The following DCAF17 variants were observed in gnomAD, a reference collection of about 807,000 sequenced individuals.
DCAF17 encodes DDB1- and CUL4-associated factor 17.
In DCAF17, 48 loss-of-function variants were observed where a neutral mutation model predicts 66.0. The observed-to-expected ratio is 0.73, with a 90% CI of 0.58 to 0.92. DCAF17 has a LOEUF of 0.92. DCAF17 is among the 40% of genes least tolerant of loss of function. The probability of loss-of-function intolerance (pLI) is 0.00; values close to 1 mark genes in which losing one functional copy is unlikely to be tolerated. For synonymous variants in DCAF17, 206 were observed against 214.6 expected, an observed-to-expected ratio of 0.96 and a Z score of 0.35; for missense variants, 562 against 622.8, an observed-to-expected ratio of 0.90 and a Z score of 1.04.
At chr2:171,459,312 C>CA (rs1160280707) in intron 8 of DCAF17, among the ~76,000 whole-genome samples, 14 of 149,270 alleles carry the variant, frequency 9.4e-5, no homozygotes, top group East Asian at 1.9e-4. Context: ...AACTCCATCT[C>CA]AAAAAAAAAG....
At chr2:171,458,245 A>T in intron 7 of DCAF17, 127 bp from the exon 8 acceptor site, 1 of 1,045,588 alleles carries the variant, frequency 9.6e-7, no homozygotes, top group African/African-American at 1.6e-5. Flanking sequence ...GGTGGGGAAG[A>T]TAAACAGAAA....
chr2:171,457,163 CTTCT>C (rs1355754967), intron 6 of DCAF17, among the ~76,000 whole-genome samples: 1 of 152,160 alleles, frequency 6.6e-6, no homozygotes, highest in African/African-American at 2.4e-5. Flanking sequence ...AATACTTATC[CTTCT>C]AAGAGATGAC....
At chr2:171,449,151 G>A (rs28663293) in intron 4 of DCAF17, among the ~76,000 whole-genome samples, 7,521 of 152,026 alleles carry the variant, frequency 0.049, 209 homozygotes, top group African/African-American at 0.069. Flanking sequence ...TGGGATTTTG[G>A]GTGTGCACCC....
intron 1 of DCAF17, 75 bp from the exon 2 acceptor site, chr2:171,435,008 G>A: frequency 8.0e-7 from 1 of 1,254,432 alleles, no homozygotes; most frequent in Non-Finnish European, 1.1e-6. Flanking sequence ...GTGACATTAT[G>A]TTGCTTTGAA....
chr2:171,484,824 A>G lies in DCAF17; in HGVS notation c.*3710A>G, dbSNP rs1363929783. On this transcript the variant is annotated 3_prime_UTR_variant, in exon 14 of 14. Coordinates refer to ENST00000375255, the MANE Select transcript of DCAF17 (RefSeq NM_025000.4). Reference sequence around the variant, plus strand: ...GTTAAATTTACCTGTTCTAAACTTCATATGAGTGAAATTATACAAAATGTA... The same window carrying G: ...GTTAAATTTACCTGTTCTAAACTTCGTATGAGTGAAATTATACAAAATGTA... 2 of 453,958 alleles carry G rather than the reference A, an allele frequency of 4.4e-6. No homozygotes were observed. The highest frequency in any genetic ancestry group is 8.8e-6 in the Non-Finnish European group (2 of 226,794). The allele number at this position is 453,958 out of a possible 1,614,324, so 28.1% of individuals were successfully genotyped here. A position where few individuals can be genotyped will look rare whatever the true frequency, so the allele number is the denominator to read the frequency against.
At chr2:171,436,316 A>G (rs1693943341) in intron 2 of DCAF17, among the ~76,000 whole-genome samples, 1 of 152,196 alleles carries the variant, frequency 6.6e-6, no homozygotes, top group Non-Finnish European at 1.5e-5. Context: ...ATTTATTTTC[A>G]CTTCTCCTAG....
intron 8 of DCAF17, among the ~76,000 whole-genome samples, chr2:171,465,826 T>C (rs1695866713): frequency 6.6e-6 from 1 of 152,144 alleles, no homozygotes; most frequent in South Asian, 2.1e-4. Context: ...TTTTTTATTA[T>C]TTCCTTTAAT....
intron 2 of DCAF17, among the ~76,000 whole-genome samples, chr2:171,441,075 C>T (rs1694281101): frequency 6.6e-6 from 1 of 152,186 alleles, no homozygotes; most frequent in African/African-American, 2.4e-5. Flanking sequence ...TACAATTTAG[C>T]CTGTATCTCC....
chr2:171,435,547 C>CTTT (rs35241834), intron 2 of DCAF17, among the ~76,000 whole-genome samples: 1 of 136,504 alleles, frequency 7.3e-6, no homozygotes, highest in Admixed American at 7.2e-5. Context: ...AAGTACTTGC[C>CTTT]TTTTTTTTTT....
intron 9 of DCAF17, 81 bp from the exon 10 acceptor site, chr2:171,473,785 T>A (rs549151463): frequency 9.0e-7 from 1 of 1,107,372 alleles, no homozygotes; most frequent in Admixed American, 1.9e-5. Flanking sequence ...TTTGACCTAC[T>A]GATCTATCAC....
intron 8 of DCAF17, among the ~76,000 whole-genome samples, chr2:171,462,903 G>A (rs1695669710): frequency 6.6e-6 from 1 of 152,092 alleles, no homozygotes; most frequent in South Asian, 2.1e-4. Flanking sequence ...CCATATAGCT[G>A]TATCACAAAT....
chr2:171,472,248 C>T (rs1036963203), intron 9 of DCAF17, among the ~76,000 whole-genome samples: 4 of 151,952 alleles, frequency 2.6e-5, no homozygotes, highest in African/African-American at 4.8e-5. Flanking sequence ...GGCACGATCT[C>T]GGCTTACTGC....
chr2:171,443,741 C>G, intron 3 of DCAF17, 128 bp downstream of exon 3: 1 of 711,504 alleles, frequency 1.4e-6, no homozygotes. Context: ...TTAAAGCAAT[C>G]AAGATGAGAG....
intron 4 of DCAF17, among the ~76,000 whole-genome samples, chr2:171,449,018 T>C (rs1309385406): frequency 1.3e-5 from 2 of 152,130 alleles, no homozygotes; most frequent in African/African-American, 4.8e-5. Flanking sequence ...TCTTTTTTTT[T>C]TCTTTTTTAA....
chr2:171,455,059 G>T (rs188679937), intron 6 of DCAF17, among the ~76,000 whole-genome samples: 2 of 151,446 alleles, frequency 1.3e-5, no homozygotes, highest in African/African-American at 4.9e-5. Flanking sequence ...GGGGTTTGTT[G>T]TACAGATTAT....
intron 2 of DCAF17, among the ~76,000 whole-genome samples, chr2:171,439,778 A>C (rs1160077128): frequency 6.6e-6 from 1 of 152,036 alleles, no homozygotes; most frequent in Non-Finnish European, 1.5e-5. Context: ...AAAAACAAAA[A>C]TTAGCTGGGC....
At position 171,476,961 on chromosome 2, in the gene DCAF17, A is replaced by G; in HGVS notation, c.1182+11A>G. On this transcript the variant is annotated intron_variant, in intron 11 of 13. Transcript: ENST00000375255. ...AGGGAGAACCATAAAGTAAGTCAAGAGTACTTTAAAATCCTTTATATATCA... is the reference window on the plus strand; with the variant it reads ...AGGGAGAACCATAAAGTAAGTCAAGGGTACTTTAAAATCCTTTATATATCA... The G allele has an allele frequency of 6.3e-7, 1 of 1,584,586 alleles. No homozygotes were observed. Among genetic ancestry groups the G allele is most frequent in the Non-Finnish European group, 8.7e-7 (1 of 1,153,510 alleles).
At chr2:171,462,415 T>G (rs965272023) in intron 8 of DCAF17, among the ~76,000 whole-genome samples, 2 of 152,164 alleles carry the variant, frequency 1.3e-5, no homozygotes, top group Admixed American at 1.3e-4. Context: ...TCAAAGGATA[T>G]TGTTTAAAAG....
intron 6 of DCAF17, among the ~76,000 whole-genome samples, chr2:171,457,126 C>G (rs1474578252): frequency 3.3e-5 from 5 of 152,174 alleles, no homozygotes; most frequent in African/African-American, 7.2e-5. Context: ...ATTAAAAAGT[C>G]ATGAACTAGT....
Sources: gnomAD v4.1 joint callset for allele counts (sites outside exome capture counted in the v4.1 genomes callset) on GRCh38, gnomAD v4.1.1 for gene constraint, MANE v1.5 for transcripts, NCBI Gene and HGNC (gene_info 2026-07-23, HGNC 2026-07-21) for gene names.